PAM: variants seen among roughly 807,000 people sequenced by gnomAD.
PAM encodes peptidyl-glycine alpha-amidating monooxygenase.
PAM carries 72 observed loss-of-function variants against 122.1 expected under a neutral mutation model. The observed-to-expected ratio is 0.59, with a 90% CI of 0.49 to 0.72. The LOEUF (loss-of-function observed/expected upper bound fraction) is 0.72, where lower values mean the gene tolerates loss of function less well. Ranked by LOEUF, PAM falls within the 30% of genes least tolerant of loss-of-function variation. The pLI, the probability that PAM is intolerant of heterozygous loss-of-function variation, is 0.00. For synonymous variants in PAM, 389 were observed against 404.4 expected (o/e 0.96, Z 0.46); for missense variants, 1,106 against 1,183.7 (o/e 0.93, Z 0.96).
chr5:102,905,340 C>T (rs1416211686), intron 4 of PAM, among the ~76,000 whole-genome samples: 1 of 151,550 alleles, frequency 6.6e-6, no homozygotes, highest in East Asian at 1.9e-4. Flanking sequence ...TGACAGGTCC[C>T]TATCTATCAA....
chr5:102,800,954 G>A lies in PAM; in HGVS notation c.-374+45606G>A, dbSNP rs116442225. Among the ~76,000 whole-genome samples, 325 of 152,176 alleles carry A rather than the reference G, an allele frequency of 2.1e-3. 1 individual carries two copies. The highest frequency in any genetic ancestry group is 7.5e-3 in the African/African-American group (310 of 41,492). ...TCCCAAAGGGCTAGAATCCAGTTTT[G>A]AACCCAGATGGAATTTTCCACATGG... On this transcript the variant is annotated intron_variant, in intron 1 of 25. Coordinates refer to ENST00000438793, the MANE Select transcript of PAM (RefSeq NM_001177306.2).
chr5:103,011,355 TAC>T (rs1000853111), intron 21 of PAM, among the ~76,000 whole-genome samples: 2 of 147,552 alleles, frequency 1.4e-5, no homozygotes, highest in East Asian at 2.0e-4. Flanking sequence ...CACACACACA[TAC>T]ACACACACAC....
intron 4 of PAM, among the ~76,000 whole-genome samples, chr5:102,905,771 A>C (rs562032052): frequency 1.3e-5 from 2 of 151,638 alleles, no homozygotes; most frequent in South Asian, 4.1e-4. Flanking sequence ...TCTGCTTCCA[A>C]TGAGTTGTCT....
At chr5:102,869,843 G>T (rs1786796799) in intron 3 of PAM, among the ~76,000 whole-genome samples, 1 of 151,834 alleles carries the variant, frequency 6.6e-6, no homozygotes, top group African/African-American at 2.4e-5. Context: ...TAAGAGGAAA[G>T]GAGGTGAAAA....
chr5:102,773,099 T>A (rs1199360781), intron 1 of PAM, among the ~76,000 whole-genome samples: 1 of 152,104 alleles, frequency 6.6e-6, no homozygotes, highest in Non-Finnish European at 1.5e-5. Flanking sequence ...TAAGTGCAGA[T>A]CTCATGCTAG....
At chr5:102,809,352 C>CAAAAA (rs11302898) in intron 1 of PAM, among the ~76,000 whole-genome samples, 2 of 126,244 alleles carry the variant, frequency 1.6e-5, no homozygotes, top group African/African-American at 6.0e-5. Flanking sequence ...CTGTCTCTAC[C>CAAAAA]AAAAAAAAAA....
intron 1 of PAM, among the ~76,000 whole-genome samples, chr5:102,846,302 C>T (rs1779928957): frequency 6.6e-6 from 1 of 152,164 alleles, no homozygotes; most frequent in Non-Finnish European, 1.5e-5. Flanking sequence ...AAAGATAAAT[C>T]CCTAGGCATG....
At chr5:102,889,010 G>T (rs1793993067) in intron 3 of PAM, among the ~76,000 whole-genome samples, 1 of 151,818 alleles carries the variant, frequency 6.6e-6, no homozygotes. Flanking sequence ...ATAAATTTCA[G>T]TACTCCTTTT....
chr5:102,847,314 C>T (rs1251625329), intron 1 of PAM, among the ~76,000 whole-genome samples: 1 of 152,162 alleles, frequency 6.6e-6, no homozygotes, highest in Non-Finnish European at 1.5e-5. Context: ...TGACATGTGC[C>T]TATAATCCCA....
chr5:102,999,888 G>A (rs1457470305), intron 16 of PAM, among the ~76,000 whole-genome samples: 2 of 152,210 alleles, frequency 1.3e-5, no homozygotes, highest in Admixed American at 1.3e-4. Flanking sequence ...GATGGAAGGG[G>A]CTGCTGTGAA....
intron 1 of PAM, among the ~76,000 whole-genome samples, chr5:102,811,744 C>G (rs1408583742): frequency 6.6e-6 from 1 of 152,040 alleles, no homozygotes; most frequent in Non-Finnish European, 1.5e-5. Context: ...CTAGTGATTG[C>G]CAATAGAGAC....
chr5:102,909,962 G>A (rs973770221), intron 4 of PAM, among the ~76,000 whole-genome samples: 1 of 151,544 alleles, frequency 6.6e-6, no homozygotes, highest in African/African-American at 2.4e-5. Context: ...ATATTTTTTG[G>A]CTAAAAATAA....
chr5:102,770,481 T>C (rs1008046675), intron 1 of PAM, among the ~76,000 whole-genome samples: 2 of 152,124 alleles, frequency 1.3e-5, no homozygotes, highest in African/African-American at 4.8e-5. Context: ...TCCCATCCAG[T>C]AAGATACTAG....
chr5:102,901,987 A>T (rs908422322), intron 4 of PAM, among the ~76,000 whole-genome samples: 4 of 151,638 alleles, frequency 2.6e-5, no homozygotes, highest in Non-Finnish European at 4.4e-5. Context: ...GAGCCTTTAA[A>T]TCAGAGAGGA....
intron 15 of PAM, among the ~76,000 whole-genome samples, chr5:102,982,644 C>G (rs1311850633): frequency 6.6e-6 from 1 of 152,230 alleles, no homozygotes; most frequent in African/African-American, 2.4e-5. Context: ...AGAAATCATA[C>G]AGAGACTACT....
At chr5:102,834,145 TA>T (rs1776243217) in intron 1 of PAM, among the ~76,000 whole-genome samples, 2 of 152,196 alleles carry the variant, frequency 1.3e-5, no homozygotes, top group Non-Finnish European at 2.9e-5. Flanking sequence ...ACTGATATAC[TA>T]GGCATATTTT....
intron 1 of PAM, among the ~76,000 whole-genome samples, chr5:102,800,467 T>G (rs750233597): frequency 8.5e-5 from 13 of 152,240 alleles, no homozygotes; most frequent in Non-Finnish European, 1.2e-4. Context: ...CTCTTAGAAG[T>G]GCTCTCAGCA....
chr5:102,893,855 A>T (rs1795422352), intron 3 of PAM, among the ~76,000 whole-genome samples: 1 of 151,662 alleles, frequency 6.6e-6, no homozygotes, highest in Non-Finnish European at 1.5e-5. Flanking sequence ...AATTTTCCTT[A>T]CCTTATTTTA....
intron 24 of PAM, among the ~76,000 whole-genome samples, chr5:103,025,881 A>T (rs1273545993): frequency 2.0e-5 from 3 of 152,200 alleles, no homozygotes; most frequent in Admixed American, 1.3e-4. Flanking sequence ...ATTTATCAGG[A>T]TACCTGGAAC....
Sources: allele counts gnomAD v4.1 joint callset (sites outside exome capture counted in the v4.1 genomes callset), GRCh38; gene constraint gnomAD v4.1.1; transcripts MANE v1.5; gene names NCBI Gene and HGNC (gene_info 2026-07-23, HGNC 2026-07-21).